FBXL17: variants seen among roughly 807,000 people sequenced by gnomAD.
FBXL17 encodes the protein F-box/LRR-repeat protein 17.
Under a neutral mutation model 66.2 loss-of-function variants are expected in FBXL17, and 22 were observed. The ratio of observed to expected loss-of-function variants is 0.33; its 90% CI spans 0.24 to 0.47. The LOEUF (loss-of-function observed/expected upper bound fraction) is 0.47. FBXL17 is among the 20% of genes least tolerant of loss of function. FBXL17 has a pLI of 1.00. For synonymous variants in FBXL17, 474 were observed against 400.5 expected, an observed-to-expected ratio of 1.18 and a Z score of -2.19; for missense variants, 878 against 948.2, an observed-to-expected ratio of 0.93 and a Z score of 0.97.
At chr5:108,218,016 C>CTTTTTTTTT (rs752575685) in intron 5 of FBXL17, among the ~76,000 whole-genome samples, 1 of 120,130 alleles carries the variant, frequency 8.3e-6, no homozygotes, top group East Asian at 2.3e-4. Context: ...AATTTTTTTT[C>CTTTTTTTTT]TTTTTTTTTT....
intron 4 of FBXL17, among the ~76,000 whole-genome samples, chr5:108,286,945 G>T (rs912349145): frequency 1.3e-5 from 2 of 151,666 alleles, no homozygotes; most frequent in Non-Finnish European, 2.9e-5. Flanking sequence ...CAGACAAATG[G>T]AACAGCATAG....
intron 4 of FBXL17, among the ~76,000 whole-genome samples, chr5:108,243,706 A>G (rs1399239298): frequency 1.3e-5 from 2 of 152,202 alleles, no homozygotes; most frequent in African/African-American, 2.4e-5. Context: ...AGATACGGTT[A>G]AAGACTAAAA....
At chr5:107,934,620 G>A (rs997995137) in intron 7 of FBXL17, among the ~76,000 whole-genome samples, 2 of 151,912 alleles carry the variant, frequency 1.3e-5, no homozygotes, top group Admixed American at 6.6e-5. Flanking sequence ...TCTCTCACTA[G>A]GCACTTTATT....
In FBXL17 at chr5:107,891,826, C is replaced by T. The variant is rs538806390; in HGVS notation, c.1823-10647G>A. Among the ~76,000 whole-genome samples, 22 of 152,170 alleles carry T rather than the reference C, an allele frequency of 1.4e-4. No individual in the cohort carries two copies. In the South Asian group the frequency reaches 2.1e-3, roughly 14 times the overall value. ...CAAAGACCACTCTTATTAATCTTTG[C>T]GTCATCATTGACTAGCTGAGTCTTT... On this transcript the variant is annotated intron_variant, in intron 7 of 8. Coordinates refer to ENST00000542267, the MANE Select transcript of FBXL17 (RefSeq NM_001163315.3).
intron 6 of FBXL17, among the ~76,000 whole-genome samples, chr5:108,106,870 T>C (rs979742438): frequency 3.3e-5 from 5 of 152,168 alleles, no homozygotes; most frequent in Admixed American, 2.6e-4. Context: ...AATATGAATA[T>C]ACTAAACCAC....
chr5:107,919,845 A>G (rs1407290586), intron 7 of FBXL17, among the ~76,000 whole-genome samples: 1 of 152,174 alleles, frequency 6.6e-6, no homozygotes, highest in Non-Finnish European at 1.5e-5. Flanking sequence ...GATTGTATTT[A>G]CAGCATTTAC....
At chr5:107,947,008 A>G (rs2112599861) in intron 7 of FBXL17, among the ~76,000 whole-genome samples, 1 of 152,326 alleles carries the variant, frequency 6.6e-6, no homozygotes, top group East Asian at 1.9e-4. Context: ...TAATTAAAAA[A>G]GAAAGCCCTT....
At chr5:107,942,227 C>A (rs1751129257) in intron 7 of FBXL17, among the ~76,000 whole-genome samples, 1 of 152,166 alleles carries the variant, frequency 6.6e-6, no homozygotes, top group African/African-American at 2.4e-5. Context: ...GGTTCCTCAG[C>A]TCGTGCAAGG....
chr5:107,935,135 T>A (rs1394520528), intron 7 of FBXL17, among the ~76,000 whole-genome samples: 1 of 152,092 alleles, frequency 6.6e-6, no homozygotes, highest in Non-Finnish European at 1.5e-5. Context: ...ATGTATTAAA[T>A]GTCTATTTCC....
intron 4 of FBXL17, among the ~76,000 whole-genome samples, chr5:108,295,711 G>C (rs180876723): frequency 1.6e-3 from 245 of 152,042 alleles, no homozygotes; most frequent in Middle Eastern, 3.4e-3. Context: ...ATTGCTAATA[G>C]AGCTCAAACC....
At chr5:108,112,183 T>G (rs189301392) in intron 6 of FBXL17, among the ~76,000 whole-genome samples, 171 of 152,296 alleles carry the variant, frequency 1.1e-3, no homozygotes, top group Non-Finnish European at 2.1e-3. Flanking sequence ...GCTCTGGAGA[T>G]AGGCACAGTC....
In FBXL17 at chr5:107,930,366, G is replaced by A. The variant is rs561516980; in HGVS notation, c.1823-49187C>T. 2.6e-5 allele frequency among the ~76,000 whole-genome samples: 4 copies of A among 152,206 alleles called. No homozygotes were observed. The East Asian group carries it at 7.7e-4, about 29-fold the overall frequency. On this transcript the variant is annotated intron_variant, in intron 7 of 8. Transcript: ENST00000542267. ...GTTTCTTTACCCAGCTGTTCTTGTGGCCAACTCCTTCTCATCTTCAGGCCT... is the reference window on the plus strand; with the variant it reads ...GTTTCTTTACCCAGCTGTTCTTGTGACCAACTCCTTCTCATCTTCAGGCCT...
intron 6 of FBXL17, among the ~76,000 whole-genome samples, chr5:108,140,349 A>G (rs1169531711): frequency 6.6e-6 from 1 of 152,120 alleles, no homozygotes; most frequent in African/African-American, 2.4e-5. Flanking sequence ...CTGGCAACCC[A>G]CCATGTCTTT....
chr5:108,381,669 T>C lies in FBXL17; in HGVS notation c.23A>G (p.Glu8Gly). 6.8e-7 allele frequency: 1 copy of C among 1,472,504 alleles called. No individual in the cohort carries two copies. Among genetic ancestry groups the C allele is most frequent in the Non-Finnish European group, 9.0e-7 (1 of 1,115,840 alleles). 91.2% of individuals were successfully genotyped at this position (1,472,504 alleles called of 1,614,324 possible). A position where few individuals can be genotyped will look rare whatever the true frequency, so the allele number is the denominator to read the frequency against. MGHLLSK[E>G]PRNRPSQKRP... ...CTTCTGGCTCGGGCGGTTACGCGGC[T>C]CCTTCGAGAGAAGGTGGCCCATATA... Residue 8 changes from glutamate to glycine, a missense_variant, in exon 1 of 9, where the codon GAG becomes GGG. Around this residue, in one of 4 missense-constraint regions of FBXL17, gnomAD observed 605 missense variants for 509.5 expected, o/e 1.19. Transcript: ENST00000542267.
At chr5:108,137,714 T>C (rs1162654696) in intron 6 of FBXL17, among the ~76,000 whole-genome samples, 1 of 152,188 alleles carries the variant, frequency 6.6e-6, no homozygotes, top group Non-Finnish European at 1.5e-5. Context: ...GGTATCTTAG[T>C]AGCACCCTTC....
In FBXL17 at chr5:108,046,763, T is replaced by C. The variant is rs1327945916; in HGVS notation, c.1746-25762A>G. Among the ~76,000 whole-genome samples, 4 of 152,190 alleles carry C rather than the reference T, an allele frequency of 2.6e-5. No individual in the cohort carries two copies. In the East Asian group the frequency reaches 7.7e-4, roughly 29 times the overall value. ...TGTAATCAAATATTTCCTCTGCATA[T>C]ATTTGGAACTACATCAGGCAGCATT... On this transcript the variant is annotated intron_variant, in intron 6 of 8. Transcript: ENST00000542267.
At chr5:108,031,112 A>G (rs1348792102) in intron 6 of FBXL17, among the ~76,000 whole-genome samples, 1 of 152,096 alleles carries the variant, frequency 6.6e-6, no homozygotes, top group Non-Finnish European at 1.5e-5. Flanking sequence ...AGTATAAGCA[A>G]GTTAGCGAAT....
intron 8 of FBXL17, among the ~76,000 whole-genome samples, chr5:107,866,692 T>G (rs1004488968): frequency 7.2e-5 from 11 of 152,226 alleles, no homozygotes; most frequent in African/African-American, 2.7e-4. Flanking sequence ...TGATAAAATT[T>G]GCAGAAGAAG....
rs992911480 is a variant in FBXL17, at chr5:108,364,981, C to T, written c.1131G>A (p.Leu377=). 6.2e-7 allele frequency: 1 copy of T among 1,609,124 alleles called. No homozygotes were observed. ...GACTTCTTGATGCAATTTTTTCCAA[C>T]AATTCATCAGTGACCTGTAAGAGAA... The part of the protein sequence containing the change: ...LSSRQQVTDE[L]LEKIASRSQN... Residue 377 remains leucine (L), a synonymous_variant, in exon 3 of 9, where the codon TTG becomes TTA. Coordinates refer to ENST00000542267, the MANE Select transcript of FBXL17 (RefSeq NM_001163315.3).
Sources: gnomAD v4.1 joint callset for allele counts (sites outside exome capture counted in the v4.1 genomes callset) on GRCh38, gnomAD v4.1.1 for gene constraint, gnomAD v4.1.1 regional missense constraint, MANE v1.5 for transcripts, NCBI Gene and HGNC (gene_info 2026-07-23, HGNC 2026-07-21) for gene names.